HTRA4: variants seen among roughly 807,000 people sequenced by gnomAD.
HTRA4 encodes the protein HtrA serine peptidase 4.
A neutral mutation model predicts 49.1 loss-of-function variants in HTRA4; 46 were observed. The observed-to-expected ratio is 0.94, with a 90% confidence interval of 0.74 to 1.20. The LOEUF (loss-of-function observed/expected upper bound fraction) is 1.20, where lower values mean the gene tolerates loss of function less well. Ranked by LOEUF, HTRA4 falls within the 50% of genes most tolerant of loss-of-function variation. HTRA4 has a pLI of 0.00. For synonymous variants in HTRA4, 261 were observed against 264.0 expected, an observed-to-expected ratio of 0.99 and a Z score of 0.11; for missense variants, 602 against 636.9, an observed-to-expected ratio of 0.95 and a Z score of 0.59.
In HTRA4 at chr8:38,974,468, TGCC is replaced by T. The variant is rs1233021867; in HGVS notation, c.208_210del (p.Arg70del). The T allele has an allele frequency of 2.0e-6, 3 of 1,531,758 alleles. No individual in the cohort carries two copies. The highest frequency in any genetic ancestry group is 1.4e-5 in the African/African-American group (1 of 72,232). 94.9% of individuals were successfully genotyped at this position (1,531,758 alleles called of 1,614,324 possible). A position where few individuals can be genotyped will look rare whatever the true frequency, so the allele number is the denominator to read the frequency against. On this transcript the variant is annotated inframe_deletion, in exon 1 of 9. Transcript: ENST00000302495. ...GCCGGTGTTCGACCTGTGCCGCTGT[TGCC>T]GCGTCTGCCCCGCGGCCGAGCGTGA...
chr8:38,974,524 G>T lies in HTRA4; in HGVS notation c.261G>T (p.Pro87=). The T allele has an allele frequency of 7.0e-7, 1 of 1,436,066 alleles. No individual in the cohort carries two copies. The highest frequency in any genetic ancestry group is 3.2e-5 in the Admixed American group (1 of 31,568). The allele number at this position is 1,436,066 out of a possible 1,614,324, so 89.0% of individuals were successfully genotyped here. A position where few individuals can be genotyped will look rare whatever the true frequency, so the allele number is the denominator to read the frequency against. ...REVCGGAQGQ[P]CAPGLQCLQP... is the part of the protein sequence containing the mutation. ...TCTGCGGCGGGGCGCAGGGCCAACC[G>T]TGCGCCCCGGGGCTGCAGTGCCTCC... Residue 87 remains proline, a synonymous_variant, in exon 1 of 9, where the codon CCG becomes CCT. Transcript: ENST00000302495.
In HTRA4 at chr8:38,976,613, C is replaced by T. The variant is rs754466534; in HGVS notation, c.645C>T (p.Thr215=). 8 of 1,614,082 alleles carry T rather than the reference C, an allele frequency of 5.0e-6. No individual in the cohort carries two copies. In the East Asian group the frequency reaches 1.3e-4, roughly 27 times the overall value. Residue 215 remains threonine (T), a synonymous_variant, in exon 3 of 9, where the codon ACC becomes ACT. Transcript: ENST00000302495. ...TGTCTGAGGACGGGCTCATTATTAC[C>T]AATGCCCATGTTGTCAGGAACCAGC... ...FIVSEDGLII[T]NAHVVRNQQW...
At chr8:38,984,630 TC>T (rs1835462525) in intron 8 of HTRA4, among the ~76,000 whole-genome samples, 1 of 152,014 alleles carries the variant, frequency 6.6e-6, no homozygotes, top group Non-Finnish European at 1.5e-5. Flanking sequence ...ATGCCTGTAA[TC>T]CCAGCTACTT....
chr8:38,988,059 T>C lies in HTRA4; in HGVS notation c.1392T>C (p.Asp464=), dbSNP rs372805893. Residue 464 remains aspartate, a synonymous_variant, in exon 9 of 9, where the codon GAT becomes GAC. Coordinates refer to ENST00000302495, the MANE Select transcript of HTRA4 (RefSeq NM_153692.4). ...SLSMAVLRGK[D]NLLLTVIPET... ...CCATGGCTGTTCTTCGGGGAAAAGA[T>C]AATTTGCTCCTGACAGTCATACCTG... is the stretch of plus-strand genomic sequence containing the variant. The C allele has an allele frequency of 4.8e-5, 78 of 1,610,872 alleles. No individual in the cohort carries two copies. In the African/African-American group the frequency reaches 7.8e-4, roughly 16 times the overall value.
chr8:38,977,459 TTCAGAGTC>T (rs1835367259), intron 3 of HTRA4, among the ~76,000 whole-genome samples: 1 of 152,208 alleles, frequency 6.6e-6, no homozygotes, highest in South Asian at 2.1e-4. Flanking sequence ...TTTTTAGAAG[TTCAGAGTC>T]TCAGCCTTTA....
At chr8:38,978,288 A>T in intron 4 of HTRA4, 141 bp downstream of exon 4, 2 of 675,754 alleles carry the variant, frequency 3.0e-6, no homozygotes, top group South Asian at 4.3e-5. Context: ...CTCCTGTCAG[A>T]TCAGTGGCGG....
chr8:38,976,469 C>T, intron 2 of HTRA4, 66 bp from the exon 3 acceptor site: 2 of 1,438,836 alleles, frequency 1.4e-6, no homozygotes, highest in Non-Finnish European at 2.0e-6. Context: ...TCCCATGACT[C>T]AGATTATATG....
chr8:38,974,431 G>C lies in HTRA4; in HGVS notation c.168G>C (p.Ala56=). The change falls in exon 1 of 9, where the codon GCG becomes GCC. Residue 56 remains alanine, a synonymous_variant. Coordinates refer to ENST00000302495, the MANE Select transcript of HTRA4 (RefSeq NM_153692.4). ...GCTGCCCCGCGCTGCCCACCTGCGCGCTGGGGACCACGCCGGTGTTCGACC... is the reference window on the plus strand; with the variant it reads ...GCTGCCCCGCGCTGCCCACCTGCGCCCTGGGGACCACGCCGGTGTTCGACC... ...PTRCPALPTC[A]LGTTPVFDLC... is the part of the protein sequence containing the mutation. 2 of 1,548,348 alleles carry C rather than the reference G, an allele frequency of 1.3e-6. No homozygotes were observed. Among genetic ancestry groups the C allele is most frequent in the South Asian group, 2.4e-5 (2 of 84,636 alleles).
chr8:38,985,223 CG>C (rs1461366256), intron 8 of HTRA4, among the ~76,000 whole-genome samples: 1 of 141,200 alleles, frequency 7.1e-6, no homozygotes, highest in Non-Finnish European at 1.5e-5. Flanking sequence ...TGCAGTGATG[CG>C]ATCTCGGCTC....
At position 38,982,850 on chromosome 8, in the gene HTRA4, C is replaced by T. The variant is rs536435990; in HGVS notation, c.1173-103C>T. On this transcript the variant is annotated intron_variant, in intron 7 of 8. Transcript: ENST00000302495. ...TAGCTTGATGGAATCTTCCTCGGCC[C>T]TTGTGAACCTTGAGCAGAACAGAGT... is the stretch of plus-strand genomic sequence containing the variant. 6 of 758,062 alleles carry T rather than the reference C, an allele frequency of 7.9e-6. No individual in the cohort carries two copies. The East Asian group carries it at 1.3e-4, about 17-fold the overall frequency. 47.0% of individuals were successfully genotyped at this position (758,062 alleles called of 1,614,324 possible).
chr8:38,978,102 G>T lies in HTRA4; in HGVS notation c.921G>T (p.Met307Ile). 2.5e-6 allele frequency: 4 copies of T among 1,614,146 alleles called. No homozygotes were observed. Among genetic ancestry groups the T allele is most frequent in the Non-Finnish European group, 3.4e-6 (4 of 1,180,010 alleles). ...AGCGAGGGGGCAAAGAACTGGGGAT[G>T]AAGGATTCAGATATGGACTACGTCC... ...TKQRGGKELG[M>I]KDSDMDYVQI... Residue 307 changes from methionine to isoleucine, a missense_variant, in exon 4 of 9, where the codon ATG (methionine) becomes ATT (isoleucine). Physicochemically the swap from Met to Ile is conservative, Grantham distance 10. Coordinates refer to ENST00000302495, the MANE Select transcript of HTRA4 (RefSeq NM_153692.4).
chr8:38,987,560 T>C (rs1230478052), intron 8 of HTRA4, among the ~76,000 whole-genome samples: 1 of 152,096 alleles, frequency 6.6e-6, no homozygotes, highest in Non-Finnish European at 1.5e-5. Context: ...AGAAAACATA[T>C]TGCTTGGGCT....
Position 38,974,630 on chromosome 8 carries a change from T to C in HTRA4, c.367T>C (p.Tyr123His). 1 of 1,420,056 alleles carries C rather than the reference T, an allele frequency of 7.0e-7. No individual in the cohort carries two copies. The highest frequency in any genetic ancestry group is 3.1e-5 in the Admixed American group (1 of 32,320). The allele number at this position is 1,420,056 out of a possible 1,614,324, so 88.0% of individuals were successfully genotyped here. The change falls in exon 1 of 9, where the codon TAC (tyrosine) becomes CAC (histidine). Residue 123 changes from tyrosine to histidine, a missense_variant. Coordinates refer to ENST00000302495, the MANE Select transcript of HTRA4 (RefSeq NM_153692.4). ...CGTGTGCGGCAGCGACAGGCGCACC[T>C]ACCCCAGCATGTGCGCGCTCCGGGC... ...GAVCGSDRRT[Y>H]PSMCALRAEN...
intron 5 of HTRA4, among the ~76,000 whole-genome samples, chr8:38,981,074 T>TG (rs1835414423): frequency 5.9e-5 from 6 of 101,288 alleles, no homozygotes; most frequent in Non-Finnish European, 9.2e-5. Context: ...TTTTTTTTTT[T>TG]TTTTTTTTTT....
chr8:38,981,187 C>A (rs949182298), intron 5 of HTRA4, among the ~76,000 whole-genome samples: 2 of 145,376 alleles, frequency 1.4e-5, no homozygotes, highest in African/African-American at 2.5e-5. Flanking sequence ...TCACGCCATT[C>A]TCCTGCCTCA....
At chr8:38,986,079 T>C (rs935906153) in intron 8 of HTRA4, among the ~76,000 whole-genome samples, 6 of 152,128 alleles carry the variant, frequency 3.9e-5, no homozygotes, top group Non-Finnish European at 5.9e-5. Flanking sequence ...GAGGATCATG[T>C]GAGCCCAGGA....
At chr8:38,986,652 A>G (rs957092689) in intron 8 of HTRA4, among the ~76,000 whole-genome samples, 1 of 152,228 alleles carries the variant, frequency 6.6e-6, no homozygotes, top group Non-Finnish European at 1.5e-5. Context: ...GCTGTGGTAC[A>G]AAGAGGTTCA....
rs1234500279 is a variant in HTRA4 at position 38,974,950 on chromosome 8, T to C, written c.467-81T>C. ...CTCCCCATGCACCTTTTGAACACTG[T>C]CTTGCCTTTAACATTTTTCCAACTA... is the stretch of plus-strand genomic sequence containing the variant. On this transcript the variant is annotated intron_variant, in intron 1 of 8. Coordinates refer to ENST00000302495, the MANE Select transcript of HTRA4 (RefSeq NM_153692.4). The C allele has an allele frequency of 2.0e-6, 3 of 1,529,460 alleles. No individual in the cohort carries two copies. The East Asian group carries it at 6.8e-5, about 34-fold the overall frequency. 94.7% of individuals were successfully genotyped at this position (1,529,460 alleles called of 1,614,324 possible).
chr8:38,974,503 C>T lies in HTRA4; in HGVS notation c.240C>T (p.Cys80=). 1 of 1,491,512 alleles carries T rather than the reference C, an allele frequency of 6.7e-7. No homozygotes were observed. The highest frequency in any genetic ancestry group is 8.8e-7 in the Non-Finnish European group (1 of 1,130,218). The allele number at this position is 1,491,512 out of a possible 1,614,324, so 92.4% of individuals were successfully genotyped here. The part of the protein sequence containing the change: ...RVCPAAEREV[C]GGAQGQPCAP... ...GCCCCGCGGCCGAGCGTGAAGTCTG[C>T]GGCGGGGCGCAGGGCCAACCGTGCG... Residue 80 remains cysteine, a synonymous_variant, in exon 1 of 9, where the codon TGC becomes TGT. Coordinates refer to ENST00000302495, the MANE Select transcript of HTRA4 (RefSeq NM_153692.4).
Sources: gnomAD v4.1 joint callset for allele counts (sites outside exome capture counted in the v4.1 genomes callset) on GRCh38, gnomAD v4.1.1 for gene constraint, MANE v1.5 for transcripts, NCBI Gene and HGNC (gene_info 2026-07-23, HGNC 2026-07-21) for gene names.